WBP2NL: variants seen among roughly 807,000 people sequenced by gnomAD.
The protein encoded by WBP2NL is postacrosomal sheath WW domain-binding protein.
In WBP2NL, 27 loss-of-function variants were observed where a neutral mutation model predicts 23.3. The ratio of observed to expected loss-of-function variants is 1.16; its 90% confidence interval spans 0.85 to 1.60. The LOEUF is 1.60. Ranked by LOEUF, WBP2NL falls within the 40% of genes most tolerant of loss-of-function variation. The pLI, the probability that WBP2NL is intolerant of heterozygous loss-of-function variation, is 0.00. For synonymous variants in WBP2NL, 151 were observed against 145.9 expected, an observed-to-expected ratio of 1.03 and a Z score of -0.25; for missense variants, 370 against 389.5, an observed-to-expected ratio of 0.95 and a Z score of 0.42.
rs982323394 is a variant in WBP2NL at position 42,052,160 on chromosome 22, G to A, written c.*274-6130G>A. Among the ~76,000 whole-genome samples, 42 of 152,240 alleles carry A rather than the reference G, an allele frequency of 2.8e-4. 1 individual carries two copies. Among genetic ancestry groups the A allele is most frequent in the African/African-American group, 9.6e-4 (40 of 41,530 alleles). On this transcript the variant is annotated intron_variant and NMD_transcript_variant, in intron 8 of 8. Transcript: ENST00000436265. Reference sequence around the variant, plus strand: ...TTTGTTCCAACCTGGAGAGGTAAAGGGTCTTTGTAGAGGTAAAGGTCTGTC... The same window carrying A: ...TTTGTTCCAACCTGGAGAGGTAAAGAGTCTTTGTAGAGGTAAAGGTCTGTC...
At chr22:42,026,067 C>T (rs919924853) in intron 5 of WBP2NL, among the ~76,000 whole-genome samples, 2 of 151,902 alleles carry the variant, frequency 1.3e-5, no homozygotes, top group African/African-American at 4.8e-5. Flanking sequence ...GTCAGGAGAT[C>T]GAGACCATCC....
At chr22:42,015,922 GTT>G (rs963300015) in intron 1 of WBP2NL, among the ~76,000 whole-genome samples, 2 of 151,876 alleles carry the variant, frequency 1.3e-5, no homozygotes, top group Admixed American at 1.3e-4. Context: ...CAATTTGTCT[GTT>G]TTTTTGCCCC....
chr22:42,036,950 C>T (rs1210285747), downstream of WBP2NL, among the ~76,000 whole-genome samples: 3 of 152,090 alleles, frequency 2.0e-5, no homozygotes, highest in Non-Finnish European at 4.4e-5. Flanking sequence ...TCCCACTTGT[C>T]TATTTTTTCT....
In WBP2NL at chr22:42,026,882, A is replaced by G; in HGVS notation, c.631A>G (p.Arg211Gly). Reference protein sequence around the residue: ...VGNEGPPVGYRASPVRYGAPP... With the variant: ...VGNEGPPVGYGASPVRYGAPP... ...AAATGAAGGCCCGCCTGTGGGATAC[A>G]GAGCCTCACCTGTGCGATATGGAGC... Residue 211 changes from arginine to glycine, a missense_variant, in exon 6 of 6, where the codon AGA (arginine) becomes GGA (glycine). Coordinates refer to ENST00000328823, the MANE Select transcript of WBP2NL (RefSeq NM_152613.3). 1 of 1,610,344 alleles carries G rather than the reference A, an allele frequency of 6.2e-7. No individual in the cohort carries two copies. The highest frequency in any genetic ancestry group is 8.5e-7 in the Non-Finnish European group (1 of 1,179,124).
chr22:42,025,993 C>G (rs775759540), intron 5 of WBP2NL, among the ~76,000 whole-genome samples: 1 of 152,034 alleles, frequency 6.6e-6, no homozygotes, highest in Non-Finnish European at 1.5e-5. Context: ...TATGGCTGGC[C>G]GGGCGCAGTG....
At chr22:42,005,724 G>T (rs1922167809) in intron 1 of WBP2NL, among the ~76,000 whole-genome samples, 1 of 152,224 alleles carries the variant, frequency 6.6e-6, no homozygotes, top group Non-Finnish European at 1.5e-5. Context: ...AGCCAAAAGT[G>T]TAGTGCCCAG....
At chr22:42,047,522 G>A (rs563353465) in intron 8 of WBP2NL, among the ~76,000 whole-genome samples, 1 of 151,328 alleles carries the variant, frequency 6.6e-6, no homozygotes, top group East Asian at 2.0e-4. Context: ...CCTGGGCGGC[G>A]GAGGTTGCAG....
chr22:42,045,004 T>G (rs1171852075), intron 8 of WBP2NL, among the ~76,000 whole-genome samples: 1 of 151,938 alleles, frequency 6.6e-6, no homozygotes, highest in Non-Finnish European at 1.5e-5. Context: ...TATTTTTTAT[T>G]TTTTTAAGAG....
At chr22:42,039,807 A>G (rs1057115548) in intron 8 of WBP2NL, among the ~76,000 whole-genome samples, 14 of 147,314 alleles carry the variant, frequency 9.5e-5, no homozygotes, top group African/African-American at 3.0e-4. Flanking sequence ...TCTATTCTCT[A>G]TTTTGTTTAT....
chr22:42,019,963 A>G (rs1463912026), intron 3 of WBP2NL, 41 bp from the exon 4 acceptor site: 10 of 1,604,670 alleles, frequency 6.2e-6, no homozygotes, highest in Non-Finnish European at 8.5e-6. Context: ...GTTGTCAGCT[A>G]TGCCAGTTTC....
At chr22:42,020,895 TATATATATA>T (rs1569450052) in intron 4 of WBP2NL, among the ~76,000 whole-genome samples, 116 of 61,066 alleles carry the variant, frequency 1.9e-3, no homozygotes, top group Non-Finnish European at 2.9e-3. Context: ...TATATATATA[TATATATATA>T]TATATTTTTT....
chr22:42,036,450 G>A (rs7291278), downstream of WBP2NL, among the ~76,000 whole-genome samples: 816 of 152,180 alleles, frequency 5.4e-3, 9 homozygotes, highest in African/African-American at 0.018. Flanking sequence ...CTGGGATTAC[G>A]GGCGTGAGCC....
intron 8 of WBP2NL, among the ~76,000 whole-genome samples, chr22:42,047,357 A>T (rs1012211387): frequency 2.0e-5 from 3 of 151,472 alleles, no homozygotes; most frequent in African/African-American, 7.3e-5. Flanking sequence ...TAAATACCAG[A>T]ACCATGGCCA....
At chr22:42,054,715 TAA>T (rs57938269) in intron 8 of WBP2NL, among the ~76,000 whole-genome samples, 10 of 139,116 alleles carry the variant, frequency 7.2e-5, no homozygotes, top group Non-Finnish European at 6.3e-5. Flanking sequence ...AGTACCTTTG[TAA>T]AAAAAAAAAA....
At chr22:42,001,700 G>T (rs1921709032) in intron 1 of WBP2NL, 3 of 1,223,744 alleles carry the variant, frequency 2.5e-6, no homozygotes, top group Non-Finnish European at 3.6e-6. Context: ...ATCTTTGAAG[G>T]TGAAGTTAAG....
At chr22:42,022,151 A>C (rs1924038037) in intron 4 of WBP2NL, 98 bp from the exon 5 acceptor site, 1 of 967,208 alleles carries the variant, frequency 1.0e-6, no homozygotes, top group African/African-American at 1.6e-5. Flanking sequence ...AACACATGTA[A>C]GGTGGTGATT....
rs1923668895 is a variant in WBP2NL, at chr22:42,019,436, C to T, written c.171+17C>T. 6.2e-7 allele frequency: 1 copy of T among 1,602,658 alleles called. No individual in the cohort carries two copies. Among genetic ancestry groups the T allele is most frequent in the South Asian group, 1.1e-5 (1 of 89,714 alleles). On this transcript the variant is annotated intron_variant, in intron 2 of 5. Coordinates refer to ENST00000328823, the MANE Select transcript of WBP2NL (RefSeq NM_152613.3). ...TCATACCGGGTAATTTCTACTTCTACTTTAATCTGCTGATTAACTCTACAT... is the reference window on the plus strand; with the variant it reads ...TCATACCGGGTAATTTCTACTTCTATTTTAATCTGCTGATTAACTCTACAT...
At chr22:42,046,516 T>A (rs1343824086) in intron 8 of WBP2NL, among the ~76,000 whole-genome samples, 1 of 152,282 alleles carries the variant, frequency 6.6e-6, no homozygotes, top group African/African-American at 2.4e-5. Flanking sequence ...AGTGAAGAAA[T>A]TTTTTAAAAA....
At chr22:42,036,196 AC>A (rs1478082228), downstream of WBP2NL, among the ~76,000 whole-genome samples, 3 of 151,482 alleles carry the variant, frequency 2.0e-5, no homozygotes, top group Admixed American at 6.6e-5. Flanking sequence ...TTTCTTTGAG[AC>A]CAAGTCTCGC....
Sources: allele counts gnomAD v4.1 joint callset (sites outside exome capture counted in the v4.1 genomes callset), GRCh38; gene constraint gnomAD v4.1.1; transcripts MANE v1.5; gene names NCBI Gene and HGNC (gene_info 2026-07-23, HGNC 2026-07-21).